Variants in PLCXD1 observed in about 807,000 individuals in gnomAD.
PLCXD1 encodes phosphatidylinositol specific phospholipase C X domain containing 1, also known as PI-PLC X domain-containing protein 1.
Under a neutral mutation model 37.8 loss-of-function variants are expected in PLCXD1, and 45 were observed. The ratio of observed to expected loss-of-function variants is 1.19; its 90% CI spans 0.94 to 1.53. The LOEUF (loss-of-function observed/expected upper bound fraction) is 1.53. PLCXD1 is among the 40% of genes most tolerant of loss of function. The probability of loss-of-function intolerance (pLI) is 0.00; values close to 1 mark genes in which losing one functional copy is unlikely to be tolerated. For synonymous variants in PLCXD1, 246 were observed against 206.9 expected, an observed-to-expected ratio of 1.19 and a Z score of -1.62; for missense variants, 539 against 454.7, an observed-to-expected ratio of 1.19 and a Z score of -1.69.
chrX:290,831 TGGTGC>T (rs1183562116), intron 4 of PLCXD1, 55 bp downstream of exon 4: 2 of 1,511,186 alleles, frequency 1.3e-6, no homozygotes, highest in African/African-American at 3.2e-5. Flanking sequence ...GGCCGGGCAC[TGGTGC>T]AGGTGCGGCC....
chrX:295,878 T>C (rs1452724606), intron 6 of PLCXD1, among the ~76,000 whole-genome samples: 1 of 151,930 alleles, frequency 6.6e-6, no homozygotes, highest in Non-Finnish European at 1.5e-5. Context: ...TTTGCTCTTG[T>C]TGCCCAGGCT....
At chrX:299,069 T>G in intron 6 of PLCXD1, 28 bp from the exon 7 acceptor site, 1 of 1,550,436 alleles carries the variant, frequency 6.4e-7, no homozygotes, top group Non-Finnish European at 8.9e-7. Context: ...CGTGACCGTG[T>G]AACCTCTCCC....
rs150920187 is a variant in PLCXD1, at chrX:293,169, C to T, written c.684C>T (p.Thr228=). Residue 228 remains threonine, a synonymous_variant, in exon 6 of 7, where the codon ACC becomes ACT. Transcript: ENST00000381657. ...ACTGGTGGGGAAACAGGGTGAAGAC[C>T]GAGGCCCTCATCCGATACCTGGAGA... is the stretch of plus-strand genomic sequence containing the variant. The part of the protein sequence containing the change: ...VPYWWGNRVK[T]EALIRYLETM... The T allele has an allele frequency of 4.1e-4, 666 of 1,612,644 alleles. 3 individuals are homozygous for T. Among genetic ancestry groups the T allele is most frequent in the Admixed American group, 6.7e-4 (40 of 59,982 alleles).
At chrX:277,013 G>A (rs1280227884), upstream of PLCXD1, among the ~76,000 whole-genome samples, 1 of 152,164 alleles carries the variant, frequency 6.6e-6, no homozygotes. Context: ...CTGTCCCGCC[G>A]CGACCGTGAA....
upstream of PLCXD1, among the ~76,000 whole-genome samples, chrX:277,401 G>A (rs1196075556): frequency 1.1e-4 from 8 of 75,218 alleles, no homozygotes; most frequent in African/African-American, 3.8e-4. Flanking sequence ...AGGGGACCTG[G>A]GATGTGAGGG....
chrX:299,858 A>C lies in PLCXD1; in HGVS notation c.*523A>C, dbSNP rs1209282603. 6.7e-6 allele frequency: 1 copy of C among 149,708 alleles called. No individual in the cohort carries two copies. The highest frequency in any genetic ancestry group is 1.4e-5 in the Non-Finnish European group (1 of 69,284). 9.3% of individuals were successfully genotyped at this position (149,708 alleles called of 1,614,324 possible). On this transcript the variant is annotated 3_prime_UTR_variant, in exon 7 of 7. Coordinates refer to ENST00000381657, the MANE Select transcript of PLCXD1 (RefSeq NM_018390.4). ...AACATGAGGTCAGGAGTTCGAGACCAGCCTGACCAACATGGTGAAACCCCG... is the reference window on the plus strand; with the variant it reads ...AACATGAGGTCAGGAGTTCGAGACCCGCCTGACCAACATGGTGAAACCCCG...
chrX:296,480 G>C (rs2069812179), intron 6 of PLCXD1, among the ~76,000 whole-genome samples: 1 of 152,240 alleles, frequency 6.6e-6, no homozygotes, highest in African/African-American at 2.4e-5. Flanking sequence ...TGTTGCCTTT[G>C]CCGTCTCTGG....
At chrX:288,626 C>G in intron 2 of PLCXD1, 107 bp from the exon 3 acceptor site, 1 of 1,209,204 alleles carries the variant, frequency 8.3e-7, no homozygotes, top group East Asian at 2.3e-5. Context: ...TGTGCCTGTG[C>G]TGTGGGCGGG....
intron 6 of PLCXD1, among the ~76,000 whole-genome samples, chrX:294,312 C>G (rs1031097991): frequency 2.1e-4 from 32 of 151,968 alleles, no homozygotes; most frequent in African/African-American, 7.0e-4. Flanking sequence ...GAAACCCCGT[C>G]TCTACTAAAA....
In PLCXD1 at chrX:293,035, G is replaced by A. The variant is rs146046082; in HGVS notation, c.550G>A (p.Glu184Lys). Residue 184 changes from glutamate to lysine, a missense_variant and splice_region_variant, in exon 6 of 7, where the codon GAG becomes AAG. Coordinates refer to ENST00000381657, the MANE Select transcript of PLCXD1 (RefSeq NM_018390.4). Reference protein sequence around the residue: ...IFGDMLCPRGEVPTLRQLWSR... With the variant: ...IFGDMLCPRGKVPTLRQLWSR... ...ACCCCTTAACTCTGGTCCTTTGCAG[G>A]AGGTGCCGACACTGCGGCAGCTGTG... is the stretch of plus-strand genomic sequence containing the variant. 139 of 1,603,788 alleles carry A rather than the reference G, an allele frequency of 8.7e-5. No individual in the cohort carries two copies. In the African/African-American group the frequency reaches 1.6e-3, roughly 19 times the overall value.
intron 2 of PLCXD1, among the ~76,000 whole-genome samples, chrX:287,028 AT>A (rs2069468746): frequency 1.3e-5 from 2 of 151,722 alleles, no homozygotes; most frequent in Admixed American, 6.6e-5. Context: ...TCCTCAGGGG[AT>A]TTAAAGGGGG....
chrX:293,887 C>T (rs949270507), intron 6 of PLCXD1, among the ~76,000 whole-genome samples: 1 of 152,190 alleles, frequency 6.6e-6, no homozygotes, highest in Non-Finnish European at 1.5e-5. Context: ...TGAGGACTGA[C>T]TGCTTCATGG....
At chrX:285,471 T>A (rs1265403250) in intron 2 of PLCXD1, among the ~76,000 whole-genome samples, 2 of 151,848 alleles carry the variant, frequency 1.3e-5, no homozygotes, top group Admixed American at 6.6e-5. Flanking sequence ...CACATAAACA[T>A]TTGCACCTAT....
upstream of PLCXD1, among the ~76,000 whole-genome samples, chrX:280,404 GTGCAGGCAGA>G (rs2069241913): frequency 1.1e-5 from 1 of 88,910 alleles, no homozygotes. Context: ...AAGGGAGGCC[GTGCAGGCAGA>G]GGGGAAGACG....
chrX:286,388 C>T (rs1041736090), intron 2 of PLCXD1, among the ~76,000 whole-genome samples: 3 of 152,142 alleles, frequency 2.0e-5, no homozygotes, highest in Admixed American at 6.6e-5. Flanking sequence ...TGTAGAGATG[C>T]GGGGCATCTG....
chrX:280,271 C>A (rs2069234901), upstream of PLCXD1, among the ~76,000 whole-genome samples: 1 of 146,388 alleles, frequency 6.8e-6, no homozygotes, highest in African/African-American at 2.5e-5. Flanking sequence ...GCCCTGCAGG[C>A]AGAGGGGAGG....
chrX:296,309 G>A (rs184252659), intron 6 of PLCXD1, among the ~76,000 whole-genome samples: 3 of 151,984 alleles, frequency 2.0e-5, no homozygotes, highest in Non-Finnish European at 4.4e-5. Context: ...GTTTTTACTA[G>A]AGAAAGGGTT....
chrX:296,760 G>A (rs893339077), intron 6 of PLCXD1, among the ~76,000 whole-genome samples: 1 of 147,076 alleles, frequency 6.8e-6, no homozygotes, highest in African/African-American at 2.7e-5. Flanking sequence ...ATGTGGACAA[G>A]TTTGGGGCCA....
At chrX:279,324 A>G (rs1197873602), upstream of PLCXD1, among the ~76,000 whole-genome samples, 4 of 152,184 alleles carry the variant, frequency 2.6e-5, no homozygotes, top group Admixed American at 6.5e-5. Flanking sequence ...ACCTGGACGT[A>G]TATGTGCAAG....
Sources: allele counts gnomAD v4.1 joint callset (sites outside exome capture counted in the v4.1 genomes callset), GRCh38; gene constraint gnomAD v4.1.1; transcripts MANE v1.5; gene names NCBI Gene and HGNC (gene_info 2026-07-23, HGNC 2026-07-21).